The following RIF1 variants were observed in gnomAD, a reference collection of about 807,000 sequenced individuals.
The protein encoded by RIF1 is telomere-associated protein RIF1.
RIF1 carries 45 observed loss-of-function variants against 247.1 expected under a neutral mutation model. That is an observed-to-expected ratio of 0.18 (90% CI 0.14 to 0.23). RIF1 has a LOEUF of 0.23. Among genes scored for constraint, RIF1 ranks in the 10% least tolerant of loss-of-function variants. The probability of loss-of-function intolerance (pLI) is 1.00; values close to 1 mark genes in which losing one functional copy is unlikely to be tolerated. For missense variants in RIF1, 2,967 were observed against 2,862.5 expected (o/e 1.04, Z -0.83); for synonymous variants, 1,087 against 978.8 (o/e 1.11, Z -2.06).
the RIF1 span, chr2:151,531,729 G>T: frequency 4.1e-6 from 5 of 1,234,378 alleles, no homozygotes; most frequent in Non-Finnish European, 4.7e-6. Context: ...AATTTAAAAT[G>T]CCCCTCCATG....
chr2:151,488,478 CAAAAAAA>C (rs567755362), intron 9 of RIF1, among the ~76,000 whole-genome samples: 6 of 95,762 alleles, frequency 6.3e-5, no homozygotes, highest in African/African-American at 1.2e-4. Flanking sequence ...GAGCCTCTAC[CAAAAAAA>C]AAAAAAAAAA....
chr2:151,454,436 A>G (rs562378573), intron 21 of RIF1, among the ~76,000 whole-genome samples: 5 of 152,260 alleles, frequency 3.3e-5, no homozygotes, highest in African/African-American at 9.6e-5. Flanking sequence ...TGTTATTTGT[A>G]GGGATCAATG....
At chr2:151,426,101 G>A (rs1271553573) in intron 8 of RIF1, among the ~76,000 whole-genome samples, 1 of 149,548 alleles carries the variant, frequency 6.7e-6, no homozygotes, top group African/African-American at 2.5e-5. Context: ...AATTACTATA[G>A]CTTTATGCTA....
chr2:151,505,391 A>G, intron 12 of RIF1: 2 of 1,156,016 alleles, frequency 1.7e-6, no homozygotes, highest in African/African-American at 1.5e-5. Context: ...GAAGCTCTTG[A>G]TAGGAAGCAG....
chr2:151,436,420 A>G (rs1691217588), intron 11 of RIF1, among the ~76,000 whole-genome samples: 1 of 151,592 alleles, frequency 6.6e-6, no homozygotes, highest in Admixed American at 6.6e-5. Context: ...CCATCCATCT[A>G]TAGTTACAGC....
chr2:151,457,989 C>T (rs1559002182), intron 24 of RIF1, 26 bp downstream of exon 24: 10 of 1,487,376 alleles, frequency 6.7e-6, no homozygotes, highest in Non-Finnish European at 8.4e-6. Context: ...AACTTATATA[C>T]AACTAACTAT....
chr2:151,531,748 T>G, the RIF1 span: 1 of 1,415,070 alleles, frequency 7.1e-7, no homozygotes, highest in South Asian at 1.2e-5. Context: ...TGTTTGCAGA[T>G]GCCCCCTGAG....
intron 6 of RIF1, 78 bp from the exon 7 acceptor site, chr2:151,420,112 C>T: frequency 1.6e-6 from 2 of 1,226,568 alleles, no homozygotes; most frequent in Non-Finnish European, 2.3e-6. Context: ...GTGTATATTT[C>T]TGTTTCACCT....
chr2:151,506,806 G>T, intron 13 of RIF1: 2 of 767,510 alleles, frequency 2.6e-6, no homozygotes, highest in Non-Finnish European at 2.2e-6. Context: ...TACTGAGGAG[G>T]TTAGATGTTA....
intron 9 of RIF1, among the ~76,000 whole-genome samples, chr2:151,487,181 C>T (rs1559078829): frequency 6.6e-6 from 1 of 152,130 alleles, no homozygotes; most frequent in African/African-American, 2.4e-5. Flanking sequence ...AAACCCGTAG[C>T]ACTATTGCAT....
intron 6 of RIF1, among the ~76,000 whole-genome samples, chr2:151,419,561 T>A (rs909370925): frequency 2.0e-5 from 3 of 152,100 alleles, no homozygotes; most frequent in Admixed American, 6.6e-5. Flanking sequence ...CCTGACCTCA[T>A]GATCCACCCG....
chr2:151,435,069 C>G (rs1343413244), intron 10 of RIF1, among the ~76,000 whole-genome samples: 2 of 151,986 alleles, frequency 1.3e-5, no homozygotes, highest in Non-Finnish European at 2.9e-5. Flanking sequence ...TTATAAGGGT[C>G]CAATAGGCTA....
Position 151,463,841 on chromosome 2 carries a change from A to G in RIF1, c.4321A>G (p.Lys1441Glu). The G allele has an allele frequency of 1.9e-6, 3 of 1,611,880 alleles. No individual in the cohort carries two copies. The highest frequency in any genetic ancestry group is 2.5e-6 in the Non-Finnish European group (3 of 1,179,518). Residue 1441 changes from lysine to glutamate, a missense_variant, in exon 30 of 36, where the codon AAG becomes GAG. Physicochemically the swap from Lys to Glu is moderately conservative, Grantham distance 56. Transcript: ENST00000444746. ...SQDKENSHQK[K>E]ERRKEEEKPL... ...AGATAAGGAAAATAGTCATCAAAAA[A>G]AGGAACGACGTAAGGAAGAAGAAAA...
At chr2:151,518,956 T>C in the RIF1 span, 4 of 1,591,266 alleles carry the variant, frequency 2.5e-6, no homozygotes, top group Non-Finnish European at 3.5e-6. Context: ...AGCAAATGAC[T>C]GAGCTTACAG....
Position 151,481,125 on chromosome 2 carries a change from C to A in RIF1, c.*6054C>A, listed in dbSNP as rs538307740. On this transcript the variant is annotated 3_prime_UTR_variant, in exon 36 of 36. Transcript: ENST00000444746. ...ATAGCAGAGTCTGTATGGCTTCCAACAGTCAAAATACTGCCTGGCCTTTTA... is the reference window on the plus strand; with the variant it reads ...ATAGCAGAGTCTGTATGGCTTCCAAAAGTCAAAATACTGCCTGGCCTTTTA... 6.6e-6 allele frequency: 1 copy of A among 152,336 alleles called. No individual in the cohort carries two copies. The highest frequency in any genetic ancestry group is 1.5e-5 in the Non-Finnish European group (1 of 68,038). 9.4% of individuals were successfully genotyped at this position (152,336 alleles called of 1,614,324 possible).
chr2:151,444,480 T>C (rs1692903259), intron 18 of RIF1, among the ~76,000 whole-genome samples: 1 of 152,170 alleles, frequency 6.6e-6, no homozygotes, highest in South Asian at 2.1e-4. Flanking sequence ...CAGTTAATTT[T>C]TGTATTTTTA....
At chr2:151,493,379 T>C in intron 9 of RIF1, 5 of 1,612,878 alleles carry the variant, frequency 3.1e-6, no homozygotes, top group Non-Finnish European at 4.2e-6. Context: ...TGGTTGCGCT[T>C]AGCTCTCTCC....
intron 24 of RIF1, among the ~76,000 whole-genome samples, chr2:151,458,276 A>T (rs1380137033): frequency 2.5e-5 from 3 of 120,618 alleles, no homozygotes; most frequent in Non-Finnish European, 4.8e-5. Context: ...TCTGTCGCCC[A>T]GGCTGGAGTG....
At chr2:151,484,058 C>G (rs1359477561), downstream of RIF1, among the ~76,000 whole-genome samples, 1 of 152,142 alleles carries the variant, frequency 6.6e-6, no homozygotes, top group African/African-American at 2.4e-5. Context: ...AAGGACTAAT[C>G]ACAAGAAGAA....
Sources: allele counts gnomAD v4.1 joint callset (sites outside exome capture counted in the v4.1 genomes callset), GRCh38; gene constraint gnomAD v4.1.1; transcripts MANE v1.5; gene names NCBI Gene and HGNC (gene_info 2026-07-23, HGNC 2026-07-21).